Variants in ELOVL6 observed in about 807,000 individuals in gnomAD.
The protein encoded by ELOVL6 is ELOVL fatty acid elongase 6, also known as very long chain fatty acid elongase 6.
A neutral mutation model predicts 31.7 loss-of-function variants in ELOVL6; 8 were observed. That is an observed-to-expected ratio of 0.25 (90% CI 0.15 to 0.45). ELOVL6 has a LOEUF of 0.45. Ranked by LOEUF, ELOVL6 falls within the 20% of genes least tolerant of loss-of-function variation. The pLI is 1.00. For missense variants in ELOVL6, 126 were observed against 326.4 expected, an observed-to-expected ratio of 0.39 and a Z score of 4.73; for synonymous variants, 101 against 117.7, an observed-to-expected ratio of 0.86 and a Z score of 0.92.
chr4:110,094,446 A>ATATATAT (rs1756520771), intron 2 of ELOVL6, among the ~76,000 whole-genome samples: 7 of 13,594 alleles, frequency 5.1e-4, no homozygotes, highest in Admixed American at 4.6e-3. Flanking sequence ...TATATATAAT[A>ATATATAT]TATATAACAT....
At chr4:110,146,065 A>C (rs1364750500) in intron 1 of ELOVL6, among the ~76,000 whole-genome samples, 1 of 152,170 alleles carries the variant, frequency 6.6e-6, no homozygotes. Flanking sequence ...AAAAAGAACA[A>C]AGCTGGAGCA....
intron 1 of ELOVL6, among the ~76,000 whole-genome samples, chr4:110,180,241 C>A (rs1033325092): frequency 4.6e-5 from 7 of 152,194 alleles, no homozygotes; most frequent in Non-Finnish European, 8.8e-5. Context: ...ATAACACCCA[C>A]AATCTAAGCC....
chr4:110,084,552 A>ATATATATT (rs1371261027), intron 2 of ELOVL6, among the ~76,000 whole-genome samples: 5 of 71,962 alleles, frequency 6.9e-5, no homozygotes, highest in African/African-American at 4.4e-4. Context: ...ACACACACAC[A>ATATATATT]CACACACACA....
At chr4:110,082,007 T>G (rs1020790997) in intron 2 of ELOVL6, among the ~76,000 whole-genome samples, 1 of 150,530 alleles carries the variant, frequency 6.6e-6, no homozygotes, top group Non-Finnish European at 1.5e-5. Context: ...TCATCATCAC[T>G]GGCCATCAGA....
At chr4:110,196,030 G>A (rs1759766045) in intron 1 of ELOVL6, among the ~76,000 whole-genome samples, 1 of 152,198 alleles carries the variant, frequency 6.6e-6, no homozygotes, top group Non-Finnish European at 1.5e-5. Flanking sequence ...TCCCACGAGG[G>A]CTGAGACCTG....
intron 1 of ELOVL6, among the ~76,000 whole-genome samples, chr4:110,124,657 C>T (rs564178434): frequency 1.3e-5 from 2 of 151,352 alleles, no homozygotes; most frequent in East Asian, 3.9e-4. Flanking sequence ...CACCATGGCA[C>T]ATGTTTACCT....
chr4:110,198,205 G>A (rs369537024), intron 1 of ELOVL6, 42 bp downstream of exon 1: 10 of 1,221,952 alleles, frequency 8.2e-6, no homozygotes, highest in South Asian at 7.2e-5. Flanking sequence ...GGGAAGACGC[G>A]CAGGGCTCCC....
chr4:110,071,438 T>C (rs917358673), intron 2 of ELOVL6, among the ~76,000 whole-genome samples: 2 of 152,220 alleles, frequency 1.3e-5, no homozygotes, highest in Non-Finnish European at 2.9e-5. Flanking sequence ...TTTCCATGTT[T>C]AGTTATTTTT....
At chr4:110,123,653 T>C (rs1342151276) in intron 1 of ELOVL6, among the ~76,000 whole-genome samples, 3 of 152,080 alleles carry the variant, frequency 2.0e-5, no homozygotes, top group Non-Finnish European at 4.4e-5. Context: ...GAGCCAAGAC[T>C]GGAAGGAAGT....
intron 1 of ELOVL6, among the ~76,000 whole-genome samples, chr4:110,170,003 C>T (rs1225315346): frequency 6.6e-6 from 1 of 151,498 alleles, no homozygotes; most frequent in Non-Finnish European, 1.5e-5. Flanking sequence ...TGGGGGTTTA[C>T]CATGTTTTAC....
At chr4:110,132,563 A>G (rs1310935316) in intron 1 of ELOVL6, among the ~76,000 whole-genome samples, 6 of 152,106 alleles carry the variant, frequency 3.9e-5, no homozygotes, top group Non-Finnish European at 8.8e-5. Flanking sequence ...GCGTTGGCTC[A>G]TGCCTGTAAA....
At chr4:110,094,447 T>C (rs1233541938) in intron 2 of ELOVL6, among the ~76,000 whole-genome samples, 3 of 109,018 alleles carry the variant, frequency 2.8e-5, no homozygotes, top group Non-Finnish European at 5.8e-5. Context: ...ATATATAATA[T>C]ATATAACATA....
At chr4:110,164,926 C>T (rs1163482071) in intron 1 of ELOVL6, among the ~76,000 whole-genome samples, 4 of 151,790 alleles carry the variant, frequency 2.6e-5, no homozygotes, top group Non-Finnish European at 4.4e-5. Context: ...ACAACCTCTG[C>T]CCCCCAGGCT....
At chr4:110,077,026 C>A (rs979219011) in intron 2 of ELOVL6, among the ~76,000 whole-genome samples, 1 of 152,164 alleles carries the variant, frequency 6.6e-6, no homozygotes, top group Non-Finnish European at 1.5e-5. Context: ...AAGGCCGCAG[C>A]GAGGCTGGGA....
At chr4:110,084,401 G>C (rs150252093) in intron 2 of ELOVL6, among the ~76,000 whole-genome samples, 468 of 17,392 alleles carry the variant, frequency 0.027, 15 homozygotes, top group East Asian at 0.047. Flanking sequence ...TATGATATAT[G>C]ATATATGACA....
At chr4:110,057,619 G>A (rs1336366947) in intron 3 of ELOVL6, among the ~76,000 whole-genome samples, 1 of 151,980 alleles carries the variant, frequency 6.6e-6, no homozygotes, top group Non-Finnish European at 1.5e-5. Context: ...GGGAGGCCGA[G>A]GCGGGCTGAT....
intron 2 of ELOVL6, among the ~76,000 whole-genome samples, chr4:110,098,948 G>C (rs1292226440): frequency 6.6e-6 from 1 of 151,904 alleles, no homozygotes; most frequent in African/African-American, 2.4e-5. Flanking sequence ...GGCAACCATA[G>C]GAAAAAAACT....
At chr4:110,069,069 G>T (rs1755387459) in intron 2 of ELOVL6, among the ~76,000 whole-genome samples, 1 of 151,542 alleles carries the variant, frequency 6.6e-6, no homozygotes, top group African/African-American at 2.4e-5. Flanking sequence ...GGCAGAGGTT[G>T]CAGAGAGCCA....
intron 1 of ELOVL6, among the ~76,000 whole-genome samples, chr4:110,135,549 C>T (rs1326600476): frequency 1.3e-5 from 2 of 152,024 alleles, no homozygotes; most frequent in East Asian, 3.9e-4. Flanking sequence ...AGGGTAGTAG[C>T]CTAGGGAAAA....
Sources: gnomAD v4.1 joint callset for allele counts (sites outside exome capture counted in the v4.1 genomes callset) on GRCh38, gnomAD v4.1.1 for gene constraint, MANE v1.5 for transcripts, NCBI Gene and HGNC (gene_info 2026-07-23, HGNC 2026-07-21) for gene names.